Variants in HPSE2 observed in about 807,000 individuals in gnomAD.
HPSE2 encodes the protein inactive heparanase-2.
A neutral mutation model predicts 60.5 loss-of-function variants in HPSE2; 38 were observed. The observed-to-expected ratio is 0.63, with a 90% CI of 0.48 to 0.82. The LOEUF (loss-of-function observed/expected upper bound fraction) is 0.82, where lower values mean the gene tolerates loss of function less well. Ranked by LOEUF, HPSE2 falls within the 40% of genes least tolerant of loss-of-function variation. The pLI is 0.00. For synonymous variants in HPSE2, 295 were observed against 293.2 expected (o/e 1.01, Z -0.06); for missense variants, 713 against 740.4 (o/e 0.96, Z 0.43).
At chr10:99,043,039 C>T (rs10883252) in intron 3 of HPSE2, among the ~76,000 whole-genome samples, 2 of 151,920 alleles carry the variant, frequency 1.3e-5, no homozygotes, top group Non-Finnish European at 2.9e-5. Context: ...CATCCAGAAA[C>T]GAAGCCAACT....
At chr10:98,482,605 G>C (rs758371808) in intron 11 of HPSE2, 31 bp downstream of exon 11, 15 of 1,613,480 alleles carry the variant, frequency 9.3e-6, no homozygotes, top group Non-Finnish European at 1.3e-5. Flanking sequence ...TGCTGCACTT[G>C]CTCCCGAGCT....
intron 3 of HPSE2, among the ~76,000 whole-genome samples, chr10:99,005,678 G>A (rs1326778445): frequency 6.6e-6 from 1 of 152,042 alleles, no homozygotes; most frequent in East Asian, 1.9e-4. Flanking sequence ...GTTAGCTACT[G>A]GGAGATTATT....
chr10:98,577,499 G>A (rs1028027102), intron 9 of HPSE2, among the ~76,000 whole-genome samples: 36 of 152,068 alleles, frequency 2.4e-4, no homozygotes, highest in African/African-American at 8.5e-4. Flanking sequence ...CCCTAATCAA[G>A]CCCCACAATG....
chr10:98,497,074 TAAG>T (rs1941866957), intron 9 of HPSE2, among the ~76,000 whole-genome samples: 1 of 152,146 alleles, frequency 6.6e-6, no homozygotes, highest in African/African-American at 2.4e-5. Flanking sequence ...TGTATACTAT[TAAG>T]TTTGCTATTT....
At chr10:98,486,955 G>A (rs751835621) in intron 10 of HPSE2, among the ~76,000 whole-genome samples, 28 of 152,028 alleles carry the variant, frequency 1.8e-4, no homozygotes, top group Non-Finnish European at 1.5e-5. Context: ...GAAGCCTCAG[G>A]AACCATTTTT....
intron 2 of HPSE2, among the ~76,000 whole-genome samples, chr10:99,196,925 G>T (rs1038813527): frequency 2.0e-5 from 3 of 152,162 alleles, no homozygotes; most frequent in Admixed American, 6.5e-5. Flanking sequence ...GCACTCTTGT[G>T]TTTGTTGCAG....
intron 3 of HPSE2, among the ~76,000 whole-genome samples, chr10:99,102,495 C>T (rs1047055173): frequency 2.6e-5 from 4 of 152,026 alleles, no homozygotes; most frequent in Non-Finnish European, 5.9e-5. Context: ...AATTAATACC[C>T]TACCAACCAA....
chr10:99,150,828 A>C (rs1846233371), intron 2 of HPSE2, among the ~76,000 whole-genome samples: 1 of 44,086 alleles, frequency 2.3e-5, no homozygotes, highest in South Asian at 1.3e-3. Context: ...GGAAAAAATA[A>C]AGTGAAAAAG....
chr10:98,935,777 T>C (rs1487478737), intron 3 of HPSE2, among the ~76,000 whole-genome samples: 1 of 145,026 alleles, frequency 6.9e-6, no homozygotes, highest in Non-Finnish European at 1.5e-5. Context: ...GGGACCCTCC[T>C]GAGGAGGCAG....
chr10:99,194,073 T>A (rs1466847983), intron 2 of HPSE2, among the ~76,000 whole-genome samples: 1 of 152,094 alleles, frequency 6.6e-6, no homozygotes, highest in Non-Finnish European at 1.5e-5. Context: ...TCATATCAAG[T>A]ATTTTCTCTG....
intron 7 of HPSE2, among the ~76,000 whole-genome samples, chr10:98,631,791 A>G (rs1240473153): frequency 1.3e-5 from 2 of 152,226 alleles, no homozygotes; most frequent in African/African-American, 4.8e-5. Flanking sequence ...CAGTAGATCA[A>G]TGCAAATAAC....
rs544530412 is a variant in HPSE2 at position 98,761,192 on chromosome 10, C to A, written c.611-17136G>T. ...TCCTTTATAATTTTATTTAAGTCTT[C>A]TCTCTTTTTTGTTTAGTCTAACTAA... On this transcript the variant is annotated intron_variant, in intron 3 of 11. Transcript: ENST00000370552. Among the ~76,000 whole-genome samples the A allele has an allele frequency of 2.0e-5, 3 of 152,014 alleles. No individual in the cohort carries two copies. The East Asian group carries it at 5.8e-4, about 29-fold the overall frequency.
chr10:98,988,585 G>A (rs1956436531), intron 3 of HPSE2, among the ~76,000 whole-genome samples: 2 of 151,442 alleles, frequency 1.3e-5, no homozygotes, highest in Admixed American at 6.6e-5. Flanking sequence ...ATAGGCATGG[G>A]CAAGGACTTC....
chr10:98,689,798 C>A (rs560667329), intron 6 of HPSE2, among the ~76,000 whole-genome samples: 2 of 152,252 alleles, frequency 1.3e-5, no homozygotes, highest in South Asian at 4.1e-4. Flanking sequence ...TTTTTTTGGA[C>A]AAGTCTGTTT....
In HPSE2 at chr10:99,224,420, G is replaced by GACAC. The variant is rs34148639; in HGVS notation, c.448+7924_448+7927dup. On this transcript the variant is annotated intron_variant, in intron 2 of 11. Transcript: ENST00000370552. ...ATTCATTCTCACTCTCTTTCTCTCTGACACACACACACACACACACACACA... is the reference window on the plus strand; with the variant it reads ...ATTCATTCTCACTCTCTTTCTCTCTGACACACACACACACACACACACACACACA... Among the ~76,000 whole-genome samples, 614 of 143,666 alleles carry GACAC rather than the reference G, an allele frequency of 4.3e-3. 4 individuals carry two copies. The highest frequency in any genetic ancestry group is 0.025 in the Middle Eastern group (7 of 280). 94.3% of individuals were successfully genotyped at this position (143,666 alleles called of 152,430 possible).
chr10:99,228,217 T>TAAAAGGTAA, intron 2 of HPSE2, among the ~76,000 whole-genome samples: 1 of 152,176 alleles, frequency 6.6e-6, no homozygotes, highest in East Asian at 1.9e-4. Context: ...TGGGCTGTAA[T>TAAAAGGTAA]AAAAGGTATA....
At chr10:99,063,885 G>A (rs967642151) in intron 3 of HPSE2, among the ~76,000 whole-genome samples, 10 of 152,264 alleles carry the variant, frequency 6.6e-5, no homozygotes, top group Admixed American at 6.5e-4. Flanking sequence ...CTGAGGTCAG[G>A]AGATTGAGAT....
chr10:98,579,834 G>A (rs1352673418), intron 9 of HPSE2, among the ~76,000 whole-genome samples: 1 of 152,046 alleles, frequency 6.6e-6, no homozygotes, highest in Admixed American at 6.6e-5. Flanking sequence ...CCTTTATCAT[G>A]TTCTCAGTTT....
chr10:98,898,872 TG>T (rs1417654463), intron 3 of HPSE2, among the ~76,000 whole-genome samples: 2 of 152,152 alleles, frequency 1.3e-5, no homozygotes, highest in African/African-American at 4.8e-5. Flanking sequence ...TTGACAAAAG[TG>T]CAAAGGCAAT....
Sources: gnomAD v4.1 joint callset for allele counts (sites outside exome capture counted in the v4.1 genomes callset) on GRCh38, gnomAD v4.1.1 for gene constraint, MANE v1.5 for transcripts, NCBI Gene and HGNC (gene_info 2026-07-23, HGNC 2026-07-21) for gene names.